SEMA4A: variants seen among roughly 807,000 people sequenced by gnomAD.
SEMA4A encodes semaphorin-4A.
Under a neutral mutation model 72.5 loss-of-function variants are expected in SEMA4A, and 52 were observed. The observed-to-expected ratio is 0.72, with a 90% confidence interval of 0.57 to 0.90. The LOEUF (loss-of-function observed/expected upper bound fraction) is 0.90, where lower values mean the gene tolerates loss of function less well. Among genes scored for constraint, SEMA4A ranks in the 40% least tolerant of loss-of-function variants. The pLI, the probability that SEMA4A is intolerant of heterozygous loss-of-function variation, is 0.00. For synonymous variants in SEMA4A, 369 were observed against 393.1 expected (o/e 0.94, Z 0.73); for missense variants, 926 against 959.7 (o/e 0.96, Z 0.46).
In SEMA4A at chr1:156,154,557, T is replaced by C. The variant is rs1210542130; in HGVS notation, c.-22T>C. On this transcript the variant is annotated 5_prime_UTR_variant, in exon 2 of 15. Coordinates refer to ENST00000368285, the MANE Select transcript of SEMA4A (RefSeq NM_022367.4). Reference sequence around the variant, plus strand: ...GGGTGCCTGTTTCCCCAGAGCTCCCTGGTGACAGTCTGTGGCTGAGCATGG... The same window carrying C: ...GGGTGCCTGTTTCCCCAGAGCTCCCCGGTGACAGTCTGTGGCTGAGCATGG... 1.2e-6 allele frequency: 2 copies of C among 1,606,280 alleles called. No homozygotes were observed. The highest frequency in any genetic ancestry group is 8.5e-7 in the Non-Finnish European group (1 of 1,178,618).
rs71080751 is a variant in SEMA4A, at chr1:156,165,907, C to CTTTTTTT, written c.1134+2824_1134+2830dup. ...TTCTTGAACTATATCTTCCTATCTT[C>CTTTTTTT]TTTTTTTTTTTTTTTTTGAGATGGA... On this transcript the variant is annotated intron_variant, in intron 10 of 14. Transcript: ENST00000368285. 1.9e-3 allele frequency among the ~76,000 whole-genome samples: 214 copies of CTTTTTTT among 112,880 alleles called. 2 individuals carry two copies. Among genetic ancestry groups the CTTTTTTT allele is most frequent in the Non-Finnish European group, 2.2e-3 (128 of 59,018 alleles). The allele number at this position is 112,880 out of a possible 152,430, so 74.1% of individuals were successfully genotyped here. A position where few individuals can be genotyped will look rare whatever the true frequency, so the allele number is the denominator to read the frequency against.
At chr1:156,161,551 C>G in intron 9 of SEMA4A, 33 bp downstream of exon 9, 1 of 1,611,536 alleles carries the variant, frequency 6.2e-7, no homozygotes, top group Non-Finnish European at 8.5e-7. Flanking sequence ...GGGGGCTGGA[C>G]ACGGGACTTG....
intron 10 of SEMA4A, among the ~76,000 whole-genome samples, chr1:156,164,569 G>T (rs139709110): frequency 7.2e-5 from 11 of 152,186 alleles, no homozygotes; most frequent in African/African-American, 2.2e-4. Flanking sequence ...ACCCTCTCCC[G>T]CAAAAGCTGA....
chr1:156,148,709 A>T (rs1652288200), upstream of SEMA4A, among the ~76,000 whole-genome samples: 1 of 151,858 alleles, frequency 6.6e-6, no homozygotes, highest in Non-Finnish European at 1.5e-5. Context: ...CAAGCCTGGG[A>T]TCTAGGGCCC....
At chr1:156,164,449 C>T (rs1653974921) in intron 10 of SEMA4A, among the ~76,000 whole-genome samples, 1 of 152,156 alleles carries the variant, frequency 6.6e-6, no homozygotes, top group African/African-American at 2.4e-5. Flanking sequence ...ACTGTTTTTG[C>T]CCATCTTTTT....
chr1:156,162,799 C>A, intron 9 of SEMA4A, 145 bp from the exon 10 acceptor site: 2 of 991,778 alleles, frequency 2.0e-6, no homozygotes, highest in Non-Finnish European at 3.1e-6. Context: ...CTTATCAACA[C>A]AGTGAGGGGA....
chr1:156,163,647 G>A (rs2102969557), intron 10 of SEMA4A, among the ~76,000 whole-genome samples: 1 of 150,552 alleles, frequency 6.6e-6, no homozygotes, highest in South Asian at 2.1e-4. Flanking sequence ...CTTGAACCCG[G>A]GAGGCAGAGG....
At chr1:156,161,292 G>T in intron 8 of SEMA4A, 54 bp from the exon 9 acceptor site, 1 of 1,221,314 alleles carries the variant, frequency 8.2e-7, no homozygotes, top group Non-Finnish European at 1.1e-6. Context: ...AGGACACGCG[G>T]GGCTGGGGGG....
chr1:156,161,107 G>A, intron 8 of SEMA4A, 78 bp downstream of exon 8: 1 of 1,525,248 alleles, frequency 6.6e-7, no homozygotes, highest in Non-Finnish European at 8.9e-7. Flanking sequence ...CTGAGTGGTG[G>A]GCCCCCAGTG....
Position 156,169,229 on chromosome 1 carries a change from A to G in SEMA4A, c.1135-3597A>G, listed in dbSNP as rs1654463564. 2.6e-5 allele frequency among the ~76,000 whole-genome samples: 4 copies of G among 151,854 alleles called. No homozygotes were observed. The South Asian group carries it at 8.3e-4, about 32-fold the overall frequency. ...GAACTTTAGGAATCCTGCCTTCCAAATGTTTTGGGGCTTCCTCCAGGGCTG... is the reference window on the plus strand; with the variant it reads ...GAACTTTAGGAATCCTGCCTTCCAAGTGTTTTGGGGCTTCCTCCAGGGCTG... On this transcript the variant is annotated intron_variant, in intron 10 of 14. Transcript: ENST00000368285.
chr1:156,158,092 G>A lies in SEMA4A; in HGVS notation c.323G>A (p.Arg108Lys). The change falls in exon 4 of 15, where the codon AGA becomes AAA. Residue 108 changes from arginine to lysine, a missense_variant. Transcript: ENST00000368285. ...KNMIPWPASDRKKSECAFKKK... is the reference protein window; with the variant it reads ...KNMIPWPASDKKKSECAFKKK... ...CAGATACCGTGGCCAGCCAGTGACA[G>A]AAAAAAGAGTGAATGTGCCTTTAAG... The A allele has an allele frequency of 6.2e-7, 1 of 1,614,158 alleles. No homozygotes were observed. The highest frequency in any genetic ancestry group is 8.5e-7 in the Non-Finnish European group (1 of 1,180,028).
chr1:156,168,536 G>A (rs1287856731), intron 10 of SEMA4A, among the ~76,000 whole-genome samples: 1 of 151,898 alleles, frequency 6.6e-6, no homozygotes, highest in African/African-American at 2.4e-5. Context: ...TCAGGTTTTT[G>A]TTGGTTCTTC....
At chr1:156,163,196 T>C (rs1203244008) in intron 10 of SEMA4A, 102 bp downstream of exon 10, 1 of 1,342,864 alleles carries the variant, frequency 7.4e-7, no homozygotes, top group East Asian at 2.4e-5. Context: ...GTTAGTGCTC[T>C]CCACCCCACC....
chr1:156,156,086 C>T (rs530359137), intron 2 of SEMA4A: 1 of 379,316 alleles, frequency 2.6e-6, no homozygotes, highest in Non-Finnish European at 5.1e-6. Flanking sequence ...GCCTGCTGCT[C>T]CTCATCCTAG....
Position 156,161,024 on chromosome 1 carries a change from T to A in SEMA4A, c.805T>A (p.Cys269Ser). 1.4e-6 allele frequency: 2 copies of A among 1,479,666 alleles called. No individual in the cohort carries two copies. Among genetic ancestry groups the A allele is most frequent in the Non-Finnish European group, 1.8e-6 (2 of 1,097,646 alleles). 91.7% of individuals were successfully genotyped at this position (1,479,666 alleles called of 1,614,324 possible). A position where few individuals can be genotyped will look rare whatever the true frequency, so the allele number is the denominator to read the frequency against. The change falls in exon 8 of 15, where the codon TGC (cysteine) becomes AGC (serine). Residue 269 changes from cysteine to serine, a missense_variant. Cys to Ser is a moderately radical substitution (Grantham distance 112). Coordinates refer to ENST00000368285, the MANE Select transcript of SEMA4A (RefSeq NM_022367.4). ...CCACACATCGCGGGTGGCTAGAGTC[T>A]GCAAGGTCCGCGGCCTGGGCGGGGG... Reference protein sequence around the residue: ...RLHTSRVARVCKNDVGGEKLL... With the variant: ...RLHTSRVARVSKNDVGGEKLL...
chr1:156,159,919 GA>G (rs34564497), intron 6 of SEMA4A, among the ~76,000 whole-genome samples: 38,651 of 102,414 alleles, frequency 0.38, 5,659 homozygotes, highest in Middle Eastern at 0.4. Context: ...ACCCTGTCTT[GA>G]AAAAAAAAAA....
intron 10 of SEMA4A, 136 bp from the exon 11 acceptor site, chr1:156,172,690 A>G: frequency 1.2e-6 from 1 of 829,728 alleles, no homozygotes; most frequent in South Asian, 1.4e-5. Flanking sequence ...GCAGCTCCAG[A>G]GTCGGAGCTT....
intron 10 of SEMA4A, among the ~76,000 whole-genome samples, chr1:156,170,664 G>A (rs1206184264): frequency 1.3e-5 from 2 of 151,200 alleles, no homozygotes; most frequent in Non-Finnish European, 2.9e-5. Flanking sequence ...TGAGGCAGGC[G>A]AATGGGGTGA....
intron 9 of SEMA4A, among the ~76,000 whole-genome samples, chr1:156,161,992 GT>G (rs1396431413): frequency 6.6e-5 from 10 of 152,356 alleles, no homozygotes; most frequent in Admixed American, 6.5e-4. Flanking sequence ...GCCGGGTGCG[GT>G]GGCTCATGCC....
Sources: allele counts gnomAD v4.1 joint callset (sites outside exome capture counted in the v4.1 genomes callset), GRCh38; gene constraint gnomAD v4.1.1; transcripts MANE v1.5; gene names NCBI Gene and HGNC (gene_info 2026-07-23, HGNC 2026-07-21).